The following IFT56 variants were observed in gnomAD, a reference collection of about 807,000 sequenced individuals.
IFT56 encodes intraflagellar transport 56.
chr7:139,156,378 T>C, the IFT56 span, among the ~76,000 whole-genome samples: 3 of 138,530 alleles, frequency 2.2e-5, no homozygotes, highest in African/African-American at 9.7e-5. Context: ...TTGCTTTATG[T>C]TTAGTTTTCT....
the IFT56 span, among the ~76,000 whole-genome samples, chr7:139,140,707 G>A: frequency 5.4e-5 from 8 of 148,112 alleles, no homozygotes; most frequent in Non-Finnish European, 1.2e-4. Flanking sequence ...CCCGGGAGGC[G>A]GAGGTTGCAG....
the IFT56 span, among the ~76,000 whole-genome samples, chr7:139,150,451 A>G: frequency 2.6e-5 from 4 of 152,182 alleles, no homozygotes; most frequent in African/African-American, 7.2e-5. Context: ...TATCCTATCT[A>G]TAGTATACAC....
the IFT56 span, chr7:139,168,344 G>A: frequency 1.9e-6 from 3 of 1,597,464 alleles, no homozygotes; most frequent in African/African-American, 2.7e-5. Flanking sequence ...ATGTTTCTAG[G>A]AGTATATTCT....
chr7:139,161,288 A>G, the IFT56 span: 1 of 383,642 alleles, frequency 2.6e-6, no homozygotes, highest in African/African-American at 2.1e-5. Context: ...TGAGAAAGAC[A>G]AAGGAACGTA....
chr7:139,164,833 G>A, the IFT56 span, among the ~76,000 whole-genome samples: 1 of 152,094 alleles, frequency 6.6e-6, no homozygotes, highest in African/African-American at 2.4e-5. Context: ...TATAGAGAGA[G>A]TGATAATGGA....
chr7:139,161,133 C>A, the IFT56 span: 2 of 889,630 alleles, frequency 2.2e-6, no homozygotes, highest in Non-Finnish European at 1.7e-6. Flanking sequence ...ATGCTTTACT[C>A]CAAGGGAACC....
chr7:139,141,388 T>C, the IFT56 span, among the ~76,000 whole-genome samples: 1 of 152,248 alleles, frequency 6.6e-6, no homozygotes, highest in African/African-American at 2.4e-5. Flanking sequence ...CCCAGCCTCC[T>C]GAGTAGCTGA....
At chr7:139,177,609 A>AGTGTGTG in the IFT56 span, among the ~76,000 whole-genome samples, 2 of 125,606 alleles carry the variant, frequency 1.6e-5, 1 homozygote, top group South Asian at 5.2e-4. Flanking sequence ...ACATATATAT[A>AGTGTGTG]TAGTGTGTGT....
chr7:139,172,604 G>A, the IFT56 span: 1 of 587,562 alleles, frequency 1.7e-6, no homozygotes, highest in Non-Finnish European at 3.4e-6. Context: ...ACGGTATTCT[G>A]CTAAAAACCT....
the IFT56 span, chr7:139,190,611 G>A: frequency 2.6e-5 from 4 of 152,120 alleles, no homozygotes; most frequent in East Asian, 1.9e-4. Flanking sequence ...TTAATGTAAC[G>A]ATAATAAAAC....
At chr7:139,184,971 G>A in the IFT56 span, among the ~76,000 whole-genome samples, 8 of 151,076 alleles carry the variant, frequency 5.3e-5, no homozygotes, top group South Asian at 1.0e-3. Context: ...GGAGAATGGC[G>A]TGAACCCGGG....
the IFT56 span, chr7:139,191,518 T>TA: frequency 6.6e-6 from 1 of 152,234 alleles, no homozygotes; most frequent in Non-Finnish European, 1.5e-5. Context: ...GATGGAGACT[T>TA]ACTTTCAAAT....
chr7:139,165,254 G>C, the IFT56 span: 161 of 1,559,908 alleles, frequency 1.0e-4, 1 homozygote, highest in Admixed American at 6.7e-4. Flanking sequence ...ATTTGTCCTG[G>C]TCTTACTTAC....
chr7:139,140,270 C>A, the IFT56 span, among the ~76,000 whole-genome samples: 1 of 152,074 alleles, frequency 6.6e-6, no homozygotes, highest in Non-Finnish European at 1.5e-5. Context: ...GGCCCTATCA[C>A]GGGAGGATGG....
the IFT56 span, among the ~76,000 whole-genome samples, chr7:139,171,750 T>G: frequency 6.6e-6 from 1 of 152,178 alleles, no homozygotes; most frequent in Non-Finnish European, 1.5e-5. Flanking sequence ...AAGAAAACAT[T>G]GGGGAAACTC....
At chr7:139,146,964 T>C in the IFT56 span, 1 of 1,515,276 alleles carries the variant, frequency 6.6e-7, no homozygotes, top group African/African-American at 1.4e-5. Flanking sequence ...CCAGAGGCTA[T>C]TTCCATTGTT....
the IFT56 span, among the ~76,000 whole-genome samples, chr7:139,154,727 C>T: frequency 1.3e-5 from 2 of 152,134 alleles, no homozygotes; most frequent in African/African-American, 4.8e-5. Context: ...ACCACACTAT[C>T]TTCCTTACTT....
chr7:139,146,175 A>C, the IFT56 span, among the ~76,000 whole-genome samples: 1 of 152,182 alleles, frequency 6.6e-6, no homozygotes, highest in Non-Finnish European at 1.5e-5. Flanking sequence ...TTAAGCTAAT[A>C]AGTCATTCTC....
chr7:139,175,955 G>A, the IFT56 span, among the ~76,000 whole-genome samples: 5 of 151,840 alleles, frequency 3.3e-5, no homozygotes, highest in South Asian at 4.2e-4. Context: ...TCGGCCTCCC[G>A]AGTAGCTGGG....
Sources: allele counts gnomAD v4.1 joint callset (sites outside exome capture counted in the v4.1 genomes callset), GRCh38; gene constraint gnomAD v4.1.1; transcripts MANE v1.5; gene names NCBI Gene and HGNC (gene_info 2026-07-23, HGNC 2026-07-21).